Variants in RGPD2 observed in about 807,000 individuals in gnomAD.
RGPD2 encodes RANBP2-like and GRIP domain-containing protein 2.
Under a neutral mutation model 36.0 loss-of-function variants are expected in RGPD2, and 2 were observed. The observed-to-expected ratio is 0.06, with a 90% CI of 0.02 to 0.17. RGPD2 has a LOEUF of 0.17. Among genes scored for constraint, RGPD2 ranks in the 10% least tolerant of loss-of-function variants. The pLI, the probability that RGPD2 is intolerant of heterozygous loss-of-function variation, is 1.00. For missense variants in RGPD2, 40 were observed against 464.3 expected (o/e 0.09, Z 8.40); for synonymous variants, 19 against 163.8 (o/e 0.12, Z 6.75).
At chr2:87,920,466 G>T in the RGPD2 span, among the ~76,000 whole-genome samples, 1 of 147,172 alleles carries the variant, frequency 6.8e-6, no homozygotes. Context: ...CGTCTCTGCT[G>T]GAAATTACCT....
the RGPD2 span, among the ~76,000 whole-genome samples, chr2:87,952,680 A>C: frequency 6.6e-6 from 1 of 152,194 alleles, no homozygotes; most frequent in South Asian, 2.1e-4. Context: ...GGCACCCTAC[A>C]GATGTAAGGC....
the RGPD2 span, among the ~76,000 whole-genome samples, chr2:87,847,421 G>A: frequency 1.3e-5 from 2 of 151,568 alleles, no homozygotes; most frequent in Non-Finnish European, 2.9e-5. Flanking sequence ...TTTCTTGAAA[G>A]TATGGAGATA....
chr2:87,824,716 CCGCCGCCGCCGCCCGGCCAGGCCGA>C (rs1686550604), intron 1 of RGPD2, among the ~76,000 whole-genome samples: 2 of 123,550 alleles, frequency 1.6e-5, no homozygotes, highest in Non-Finnish European at 3.8e-5. Flanking sequence ...GAGGCCGAGG[CCGCCGCCGCCGCCCGGCCAGGCCGA>C]GGCCGCCGCC....
At chr2:87,915,798 G>C in the RGPD2 span, among the ~76,000 whole-genome samples, 1 of 150,908 alleles carries the variant, frequency 6.6e-6, no homozygotes, top group Non-Finnish European at 1.5e-5. Context: ...ATGGAGCACA[G>C]AAATTTATAA....
chr2:87,887,539 A>G, the RGPD2 span, among the ~76,000 whole-genome samples: 1 of 151,550 alleles, frequency 6.6e-6, no homozygotes, highest in Non-Finnish European at 1.5e-5. Context: ...CACCAAATCC[A>G]TAACTCTCAT....
At chr2:87,957,237 G>GGC in the RGPD2 span, among the ~76,000 whole-genome samples, 11 of 7,502 alleles carry the variant, frequency 1.5e-3, no homozygotes, top group Admixed American at 0.017. Context: ...CAAGGTCACT[G>GGC]GGGGGGGGCT....
At chr2:87,961,071 A>T in the RGPD2 span, among the ~76,000 whole-genome samples, 1 of 150,516 alleles carries the variant, frequency 6.6e-6, no homozygotes, top group Middle Eastern at 3.2e-3. Flanking sequence ...TTGAAAAAAT[A>T]CTATGGTATT....
At chr2:87,911,943 T>C in the RGPD2 span, among the ~76,000 whole-genome samples, 1 of 151,876 alleles carries the variant, frequency 6.6e-6, no homozygotes, top group Non-Finnish European at 1.5e-5. Context: ...CATATGAATC[T>C]GGATCATATG....
At chr2:87,944,571 G>A in the RGPD2 span, among the ~76,000 whole-genome samples, 1 of 110,786 alleles carries the variant, frequency 9.0e-6, no homozygotes, top group African/African-American at 4.7e-5. Context: ...GCCTGGGGCT[G>A]GATTTTACTG....
At chr2:87,776,383 TCATC>T (rs1406985364) in intron 20 of RGPD2, among the ~76,000 whole-genome samples, 1 of 125,486 alleles carries the variant, frequency 8.0e-6, no homozygotes, top group Non-Finnish European at 1.7e-5. Context: ...TCCATCCATC[TCATC>T]CATCCATCCA....
At chr2:87,919,820 A>G in the RGPD2 span, among the ~76,000 whole-genome samples, 3 of 150,894 alleles carry the variant, frequency 2.0e-5, no homozygotes, top group Non-Finnish European at 4.4e-5. Context: ...CGTGTAATCA[A>G]CATAGCAATT....
chr2:87,962,494 T>C, the RGPD2 span, among the ~76,000 whole-genome samples: 8 of 152,350 alleles, frequency 5.3e-5, no homozygotes, highest in South Asian at 1.0e-3. Flanking sequence ...AAAAGATGAT[T>C]CTGAGCTTAC....
chr2:87,930,923 C>T, the RGPD2 span, among the ~76,000 whole-genome samples: 1 of 135,258 alleles, frequency 7.4e-6, no homozygotes, highest in Non-Finnish European at 1.6e-5. Context: ...TGGTAATATC[C>T]CTTTTGTCAT....
At chr2:87,884,444 A>T in the RGPD2 span, among the ~76,000 whole-genome samples, 1 of 152,172 alleles carries the variant, frequency 6.6e-6, no homozygotes, top group Non-Finnish European at 1.5e-5. Context: ...AAAATAACAA[A>T]GGTCAGAGCA....
chr2:87,964,925 A>G, the RGPD2 span, among the ~76,000 whole-genome samples: 1 of 151,266 alleles, frequency 6.6e-6, no homozygotes, highest in African/African-American at 2.4e-5. Context: ...TTTACCCTCA[A>G]CCTAAATAGC....
In RGPD2 at chr2:87,825,512, G is replaced by C. The variant is rs866703186; in HGVS notation, c.72+146C>G. Reference sequence around the variant, plus strand: ...GCCGCCCGGCCGAGGCCGAGGCCGAGGCCGCCGCCCGGCCGAGGCCGAGGC... The same window carrying C: ...GCCGCCCGGCCGAGGCCGAGGCCGACGCCGCCGCCCGGCCGAGGCCGAGGC... On this transcript the variant is annotated intron_variant, in intron 1 of 22. Coordinates refer to ENST00000398146, the MANE Select transcript of RGPD2 (RefSeq NM_001078170.3). 1.3e-3 allele frequency: 158 copies of C among 123,424 alleles called. 11 individuals are homozygous for C. The East Asian group carries it at 0.03, about 23-fold the overall frequency. 7.6% of individuals were successfully genotyped at this position (123,424 alleles called of 1,614,324 possible).
At chr2:87,824,999 C>G in intron 1 of RGPD2, 1 of 391,482 alleles carries the variant, frequency 2.6e-6, no homozygotes, top group Non-Finnish European at 4.5e-6. Flanking sequence ...ACTTCTTACA[C>G]TATTCCTCAT....
the RGPD2 span, among the ~76,000 whole-genome samples, chr2:87,848,641 T>C: frequency 6.9e-6 from 1 of 143,962 alleles, no homozygotes; most frequent in African/African-American, 2.6e-5. Flanking sequence ...CACAATCAAA[T>C]TGAGATGGCA....
At chr2:87,920,456 C>T in the RGPD2 span, among the ~76,000 whole-genome samples, 132 of 148,476 alleles carry the variant, frequency 8.9e-4, no homozygotes, top group African/African-American at 3.2e-3. Context: ...TTTCTAGGTT[C>T]GTCTCTGCTG....
Sources: gnomAD v4.1 joint callset for allele counts (sites outside exome capture counted in the v4.1 genomes callset) on GRCh38, gnomAD v4.1.1 for gene constraint, MANE v1.5 for transcripts, NCBI Gene and HGNC (gene_info 2026-07-23, HGNC 2026-07-21) for gene names.